Variants in SNX25 observed in about 807,000 individuals in gnomAD.
SNX25 encodes sorting nexin-25.
A neutral mutation model predicts 113.7 loss-of-function variants in SNX25; 62 were observed. The observed-to-expected ratio is 0.55, with a 90% CI of 0.44 to 0.67. The LOEUF is 0.67. Among genes scored for constraint, SNX25 ranks in the 30% least tolerant of loss-of-function variants. The pLI is 0.00. For missense variants in SNX25, 1,014 were observed against 1,161.0 expected (o/e 0.87, Z 1.84); for synonymous variants, 421 against 436.2 (o/e 0.97, Z 0.43).
chr4:185,259,677 C>G (rs1165438608), intron 3 of SNX25, among the ~76,000 whole-genome samples: 1 of 152,082 alleles, frequency 6.6e-6, no homozygotes, highest in Non-Finnish European at 1.5e-5. Context: ...GGCTTGTTAG[C>G]CCTTCGTATT....
chr4:185,273,275 G>A (rs777129552), intron 5 of SNX25, among the ~76,000 whole-genome samples: 1 of 152,160 alleles, frequency 6.6e-6, no homozygotes, highest in African/African-American at 2.4e-5. Context: ...GGTGTACAGT[G>A]TCATTTATTT....
chr4:185,214,746 A>G (rs72706074), intron 1 of SNX25, among the ~76,000 whole-genome samples: 15,736 of 152,226 alleles, frequency 0.1, 883 homozygotes, highest in Non-Finnish European at 0.13. Context: ...CCTACCTCAT[A>G]TTTCTGACCT....
chr4:185,262,197 A>G (rs1373458764), intron 3 of SNX25, among the ~76,000 whole-genome samples: 1 of 152,206 alleles, frequency 6.6e-6, no homozygotes, highest in Non-Finnish European at 1.5e-5. Context: ...ACTGTTGGGC[A>G]ATTGTTTGTG....
rs573988700 is a variant in SNX25, at chr4:185,240,692, G to T, written c.430-6602G>T. Among the ~76,000 whole-genome samples, 9 of 151,304 alleles carry T rather than the reference G, an allele frequency of 5.9e-5. No homozygotes were observed. The South Asian group carries it at 8.5e-4, about 14-fold the overall frequency. On this transcript the variant is annotated intron_variant, in intron 1 of 18. Transcript: ENST00000652585. Reference sequence around the variant, plus strand: ...CTTCCGGACGGGGCGGCTGCCGGGCGGGGGGCTGACCCCCACCTCCCTCCC... The same window carrying T: ...CTTCCGGACGGGGCGGCTGCCGGGCTGGGGGCTGACCCCCACCTCCCTCCC...
At chr4:185,248,889 T>G (rs1052317845) in intron 2 of SNX25, among the ~76,000 whole-genome samples, 1 of 152,240 alleles carries the variant, frequency 6.6e-6, no homozygotes, top group Admixed American at 6.5e-5. Flanking sequence ...TCTAAAACTT[T>G]ATGGAAATGG....
At chr4:185,249,833 G>A (rs572053249) in intron 2 of SNX25, among the ~76,000 whole-genome samples, 26 of 151,898 alleles carry the variant, frequency 1.7e-4, no homozygotes, top group African/African-American at 2.7e-4. Flanking sequence ...AGATTCTCTC[G>A]TCTGTCAATT....
chr4:185,235,760 A>G (rs1742521423), intron 1 of SNX25, among the ~76,000 whole-genome samples: 1 of 152,196 alleles, frequency 6.6e-6, no homozygotes, highest in Non-Finnish European at 1.5e-5. Context: ...ATTAGCTGGG[A>G]TTGGTGTACA....
intron 6 of SNX25, among the ~76,000 whole-genome samples, chr4:185,301,154 G>A (rs560967836): frequency 1.5e-4 from 23 of 152,192 alleles, no homozygotes; most frequent in Admixed American, 9.8e-4. Context: ...GCCTTGCTGG[G>A]TGTCCTCCTC....
intron 12 of SNX25, among the ~76,000 whole-genome samples, chr4:185,342,998 C>G (rs1288553): frequency 0.1 from 15,560 of 152,186 alleles, 1,274 homozygotes; most frequent in African/African-American, 0.23. Flanking sequence ...TCAAGCGATT[C>G]TCCTGCCTCA....
intron 9 of SNX25, among the ~76,000 whole-genome samples, chr4:185,325,482 A>G (rs1010609369): frequency 6.6e-5 from 10 of 151,146 alleles, no homozygotes. Context: ...GCAGTGAGCC[A>G]AGATCGTGCC....
At chr4:185,325,112 T>C (rs184241567) in intron 9 of SNX25, among the ~76,000 whole-genome samples, 52 of 152,316 alleles carry the variant, frequency 3.4e-4, no homozygotes, top group African/African-American at 1.2e-3. Context: ...GCCCTTTCTT[T>C]AAGTTTTTCA....
downstream of SNX25, among the ~76,000 whole-genome samples, chr4:185,367,556 C>T (rs187554096): frequency 7.2e-5 from 11 of 152,284 alleles, no homozygotes; most frequent in Non-Finnish European, 1.5e-4. Flanking sequence ...AGAGCATTAA[C>T]ATTTGGCCTC....
chr4:185,319,510 A>G (rs1271968710), intron 7 of SNX25, among the ~76,000 whole-genome samples: 2 of 118,024 alleles, frequency 1.7e-5, no homozygotes, highest in East Asian at 2.7e-4. Context: ...GGGAAAGTCC[A>G]TTCTTTTTTT....
intron 1 of SNX25, among the ~76,000 whole-genome samples, chr4:185,239,353 G>C (rs763769780): frequency 7.2e-5 from 11 of 152,088 alleles, no homozygotes; most frequent in South Asian, 4.2e-4. Flanking sequence ...CGTGGTGGTG[G>C]GCACCTGTAG....
intron 14 of SNX25, 146 bp from the exon 15 acceptor site, chr4:185,353,339 G>A (rs2095324799): frequency 1.6e-6 from 1 of 607,442 alleles, no homozygotes; most frequent in Non-Finnish European, 2.9e-6. Flanking sequence ...CCTCTGTGTT[G>A]AAAATGGTAG....
At chr4:185,313,390 T>C (rs1192354179) in intron 7 of SNX25, among the ~76,000 whole-genome samples, 1 of 152,122 alleles carries the variant, frequency 6.6e-6, no homozygotes, top group Non-Finnish European at 1.5e-5. Context: ...TCTCAATCAA[T>C]AAAGAGACCT....
chr4:185,259,112 A>G (rs747640153), intron 3 of SNX25, 48 bp downstream of exon 3: 12 of 1,523,304 alleles, frequency 7.9e-6, no homozygotes, highest in African/African-American at 2.8e-5. Flanking sequence ...AATTTTTTTT[A>G]ATTGAGTAAA....
At chr4:185,311,838 A>G (rs3112873) in intron 7 of SNX25, among the ~76,000 whole-genome samples, 1 of 152,230 alleles carries the variant, frequency 6.6e-6, no homozygotes, top group Non-Finnish European at 1.5e-5. Context: ...GGCCAGCCCC[A>G]GCATACGCCA....
At chr4:185,351,913 G>T (rs982176901) in intron 14 of SNX25, among the ~76,000 whole-genome samples, 1 of 146,296 alleles carries the variant, frequency 6.8e-6, no homozygotes, top group Non-Finnish European at 1.5e-5. Flanking sequence ...TTGCGGGGTG[G>T]GGGGGTTCAT....
Sources: gnomAD v4.1 joint callset for allele counts (sites outside exome capture counted in the v4.1 genomes callset) on GRCh38, gnomAD v4.1.1 for gene constraint, MANE v1.5 for transcripts, NCBI Gene and HGNC (gene_info 2026-07-23, HGNC 2026-07-21) for gene names.